ATP10B: variants seen among roughly 807,000 people sequenced by gnomAD.
ATP10B encodes ATPase phospholipid transporting 10B (putative).
A neutral mutation model predicts 141.2 loss-of-function variants in ATP10B; 122 were observed. The observed-to-expected ratio is 0.86, with a 90% CI of 0.75 to 1.00. The LOEUF (loss-of-function observed/expected upper bound fraction) is 1.00. ATP10B is among the 50% of genes least tolerant of loss of function. The pLI is 0.00. For synonymous variants in ATP10B, 685 were observed against 692.0 expected (o/e 0.99, Z 0.16); for missense variants, 1,876 against 1,825.3 (o/e 1.03, Z -0.51).
At chr5:160,922,376 C>T in the ATP10B span, among the ~76,000 whole-genome samples, 1 of 152,146 alleles carries the variant, frequency 6.6e-6, no homozygotes, top group Non-Finnish European at 1.5e-5. Context: ...AGGTATTTAG[C>T]ACTGGGCCTG....
chr5:160,787,133 C>T (rs1056106800), intron 1 of ATP10B, among the ~76,000 whole-genome samples: 1 of 150,112 alleles, frequency 6.7e-6, no homozygotes, highest in Non-Finnish European at 1.5e-5. Flanking sequence ...CACACACACA[C>T]ACACACACAC....
intron 14 of ATP10B, among the ~76,000 whole-genome samples, chr5:160,621,784 C>T (rs1265812715): frequency 6.6e-6 from 1 of 152,176 alleles, no homozygotes; most frequent in Non-Finnish European, 1.5e-5. Context: ...GCAAATCCAC[C>T]TTCAGTAGAT....
chr5:160,792,166 T>G (rs546088333), intron 1 of ATP10B, among the ~76,000 whole-genome samples: 150 of 152,202 alleles, frequency 9.9e-4, no homozygotes, highest in African/African-American at 3.3e-3. Context: ...CTTGTCACAC[T>G]CCATTTTATG....
At chr5:160,774,367 G>T (rs542517811) in intron 2 of ATP10B, among the ~76,000 whole-genome samples, 121 of 152,296 alleles carry the variant, frequency 7.9e-4, no homozygotes, top group Non-Finnish European at 5.7e-4. Context: ...GATATCCAGG[G>T]TTCTGATTCT....
At chr5:160,594,810 A>G (rs1040250844) in intron 22 of ATP10B, among the ~76,000 whole-genome samples, 2 of 152,174 alleles carry the variant, frequency 1.3e-5, no homozygotes, top group Admixed American at 1.3e-4. Flanking sequence ...ACATAATGGT[A>G]AAGGGATCAA....
At chr5:160,837,793 C>T (rs1775548731) in intron 1 of ATP10B, among the ~76,000 whole-genome samples, 1 of 152,094 alleles carries the variant, frequency 6.6e-6, no homozygotes, top group South Asian at 2.1e-4. Context: ...GTTATTTCCC[C>T]ATGATCCATC....
At chr5:160,706,451 G>A (rs1046586585) in intron 3 of ATP10B, among the ~76,000 whole-genome samples, 2 of 152,142 alleles carry the variant, frequency 1.3e-5, no homozygotes, top group Non-Finnish European at 2.9e-5. Context: ...GACGTTAAGT[G>A]GCTTAAGGTT....
intron 9 of ATP10B, among the ~76,000 whole-genome samples, chr5:160,641,628 A>G (rs751290525): frequency 6.6e-6 from 1 of 152,170 alleles, no homozygotes; most frequent in Non-Finnish European, 1.5e-5. Context: ...CCTGGGACCC[A>G]AGATCACACA....
In ATP10B at chr5:160,727,237, C is replaced by A. The variant is rs577620127; in HGVS notation, c.-330-10203G>T. 1.2e-4 allele frequency among the ~76,000 whole-genome samples: 19 copies of A among 152,300 alleles called. No homozygotes were observed. The South Asian group carries it at 3.7e-3, about 30-fold the overall frequency. Reference sequence around the variant, plus strand: ...ACATTATACACTGAAAGCATGAACGCCGATCCCTACAAACACCACAAGGGA... The same window carrying A: ...ACATTATACACTGAAAGCATGAACGACGATCCCTACAAACACCACAAGGGA... On this transcript the variant is annotated intron_variant, in intron 2 of 25. Transcript: ENST00000327245.
At chr5:160,783,758 G>A (rs1770932940) in intron 2 of ATP10B, among the ~76,000 whole-genome samples, 3 of 151,918 alleles carry the variant, frequency 2.0e-5, no homozygotes, top group South Asian at 2.1e-4. Context: ...CTAGTAGTGG[G>A]ATTGCTGGAC....
At chr5:160,876,967 C>G in the ATP10B span, among the ~76,000 whole-genome samples, 18 of 147,420 alleles carry the variant, frequency 1.2e-4, no homozygotes, top group East Asian at 2.3e-3. Context: ...CAAGGAAGAA[C>G]TGGTACCATT....
chr5:160,719,171 C>T (rs556864608), intron 2 of ATP10B, among the ~76,000 whole-genome samples: 4 of 152,214 alleles, frequency 2.6e-5, no homozygotes, highest in South Asian at 2.1e-4. Flanking sequence ...GAGGCTGAGA[C>T]GGGCGGATCA....
At chr5:160,921,570 G>C in the ATP10B span, among the ~76,000 whole-genome samples, 1 of 152,198 alleles carries the variant, frequency 6.6e-6, no homozygotes, top group Non-Finnish European at 1.5e-5. Context: ...TGTCTGGCTA[G>C]AGTTTATACA....
In ATP10B at chr5:160,622,504, T is replaced by A; in HGVS notation, c.1702A>T (p.Arg568Ter). 1 of 1,614,166 alleles carries A rather than the reference T, an allele frequency of 6.2e-7. No individual in the cohort carries two copies. The highest frequency in any genetic ancestry group is 2.2e-5 in the East Asian group (1 of 44,890). ...ALWLETLSDS[R>*]PAKASLSTTS... Reference sequence around the variant, plus strand: ...GTGGAGAGGGAAGCCTTGGCAGGTCTGCTGTCTGACAAGGTCTCCAACCAC... The same window carrying A: ...GTGGAGAGGGAAGCCTTGGCAGGTCAGCTGTCTGACAAGGTCTCCAACCAC... The change falls in exon 14 of 26, where the codon AGA becomes TGA. Residue 568 changes from arginine (R) to a stop codon, truncating the protein, a stop_gained. Transcript: ENST00000327245. LOFTEE classifies it high-confidence loss of function.
chr5:160,905,001 G>T, the ATP10B span, among the ~76,000 whole-genome samples: 30 of 152,226 alleles, frequency 2.0e-4, no homozygotes, highest in Admixed American at 2.0e-3. Context: ...CAATGAGTGA[G>T]AAAATGTGTA....
At chr5:160,886,793 C>T in the ATP10B span, among the ~76,000 whole-genome samples, 2 of 152,220 alleles carry the variant, frequency 1.3e-5, no homozygotes, top group Non-Finnish European at 1.5e-5. Context: ...TCATTCCAGG[C>T]AACAAGAACG....
At chr5:160,878,592 A>C in the ATP10B span, among the ~76,000 whole-genome samples, 1 of 151,858 alleles carries the variant, frequency 6.6e-6, no homozygotes, top group African/African-American at 2.4e-5. Flanking sequence ...GTCAGAGCGA[A>C]CAGGCAACCT....
chr5:160,702,120 A>G (rs1561769852), intron 3 of ATP10B, among the ~76,000 whole-genome samples: 2 of 152,238 alleles, frequency 1.3e-5, no homozygotes, highest in African/African-American at 4.8e-5. Context: ...TCCTAGGTAC[A>G]ATGACTGACA....
chr5:160,766,824 A>ATAT (rs1319837952), intron 2 of ATP10B, among the ~76,000 whole-genome samples: 1 of 152,198 alleles, frequency 6.6e-6, no homozygotes, highest in East Asian at 1.9e-4. Flanking sequence ...TAGAAAAAAA[A>ATAT]TATTACGTTT....
Sources: allele counts gnomAD v4.1 joint callset (sites outside exome capture counted in the v4.1 genomes callset), GRCh38; gene constraint gnomAD v4.1.1; transcripts MANE v1.5; gene names NCBI Gene and HGNC (gene_info 2026-07-23, HGNC 2026-07-21).